ERC2: variants seen among roughly 807,000 people sequenced by gnomAD.
The protein encoded by ERC2 is ELKS/RAB6-interacting/CAST family member 2.
Under a neutral mutation model 114.8 loss-of-function variants are expected in ERC2, and 42 were observed. The observed-to-expected ratio is 0.37, with a 90% CI of 0.29 to 0.47. ERC2 has a LOEUF of 0.47. Ranked by LOEUF, ERC2 falls within the 20% of genes least tolerant of loss-of-function variation. ERC2 has a pLI of 0.99. For synonymous variants in ERC2, 454 were observed against 425.5 expected (o/e 1.07, Z -0.82); for missense variants, 939 against 1,150.7 (o/e 0.82, Z 2.66).
intron 14 of ERC2, among the ~76,000 whole-genome samples, chr3:55,765,710 C>T (rs75260466): frequency 0.038 from 5,781 of 152,144 alleles, 379 homozygotes; most frequent in African/African-American, 0.13. Flanking sequence ...GATATTAATA[C>T]GAAACACTGC....
At chr3:55,899,307 G>A (rs2064001849) in intron 13 of ERC2, among the ~76,000 whole-genome samples, 1 of 151,826 alleles carries the variant, frequency 6.6e-6, no homozygotes, top group Non-Finnish European at 1.5e-5. Flanking sequence ...ATATAATAAG[G>A]GATTTTCCCA....
At chr3:55,525,514 G>C (rs1026984731) in intron 17 of ERC2, among the ~76,000 whole-genome samples, 7 of 152,224 alleles carry the variant, frequency 4.6e-5, no homozygotes, top group Non-Finnish European at 7.3e-5. Flanking sequence ...TGAGATGTGA[G>C]GGGTGGTGAG....
chr3:56,346,841 C>T (rs1349182404), intron 2 of ERC2, among the ~76,000 whole-genome samples: 3 of 152,150 alleles, frequency 2.0e-5, no homozygotes, highest in African/African-American at 7.2e-5. Flanking sequence ...TTGCTGCATC[C>T]TCCAATGGAG....
chr3:55,599,299 T>A (rs56941959), intron 17 of ERC2, among the ~76,000 whole-genome samples: 1 of 152,060 alleles, frequency 6.6e-6, no homozygotes, highest in Non-Finnish European at 1.5e-5. Context: ...CTGCAACACA[T>A]CCTATGAAGC....
intron 14 of ERC2, among the ~76,000 whole-genome samples, chr3:55,848,527 T>G (rs939196700): frequency 6.6e-6 from 1 of 152,218 alleles, no homozygotes; most frequent in African/African-American, 2.4e-5. Context: ...CATTCCAACT[T>G]GCTGGCCCAT....
At chr3:56,211,356 T>C (rs901431363) in intron 3 of ERC2, among the ~76,000 whole-genome samples, 1 of 152,004 alleles carries the variant, frequency 6.6e-6, no homozygotes, top group Admixed American at 6.6e-5. Context: ...ACAATAGCTG[T>C]GAACAATTAA....
chr3:55,739,352 T>C (rs143730253), intron 14 of ERC2, among the ~76,000 whole-genome samples: 2,412 of 152,346 alleles, frequency 0.016, 30 homozygotes, highest in Non-Finnish European at 0.027. Context: ...TCCACAATGG[T>C]TGAACTAATT....
intron 14 of ERC2, among the ~76,000 whole-genome samples, chr3:55,781,497 G>T (rs893393413): frequency 1.0e-4 from 15 of 149,128 alleles, no homozygotes; most frequent in East Asian, 2.0e-4. Context: ...TTTAAAAATG[G>T]TTTTTTTTTT....
intron 13 of ERC2, among the ~76,000 whole-genome samples, chr3:55,919,116 C>T (rs913682228): frequency 2.6e-5 from 4 of 152,184 alleles, no homozygotes; most frequent in Admixed American, 1.3e-4. Context: ...CAGTGGTTCA[C>T]GCCTGTAATC....
chr3:56,189,560 TG>T (rs2083856537), intron 3 of ERC2, among the ~76,000 whole-genome samples: 1 of 152,146 alleles, frequency 6.6e-6, no homozygotes, highest in Non-Finnish European at 1.5e-5. Context: ...GAATCAGAAA[TG>T]GTGTGTCCAT....
chr3:56,051,450 A>G (rs778042310), intron 7 of ERC2, among the ~76,000 whole-genome samples: 10 of 152,182 alleles, frequency 6.6e-5, no homozygotes, highest in Non-Finnish European at 1.3e-4. Flanking sequence ...AGAGGGAGAC[A>G]ACCTTTGGTC....
chr3:55,561,147 C>T (rs1428458234), intron 17 of ERC2, among the ~76,000 whole-genome samples: 3 of 127,890 alleles, frequency 2.3e-5, no homozygotes, highest in African/African-American at 6.3e-5. Context: ...ACTACTGCTG[C>T]TTTTCTTTAA....
intron 3 of ERC2, among the ~76,000 whole-genome samples, chr3:56,281,436 C>CAAA (rs71099629): frequency 0.34 from 16,044 of 47,378 alleles, 4,725 homozygotes; most frequent in Middle Eastern, 0.4. Context: ...GACTCCGTCT[C>CAAA]AAAAAAAAAA....
At chr3:55,666,643 T>G in intron 17 of ERC2, among the ~76,000 whole-genome samples, 2 of 151,448 alleles carry the variant, frequency 1.3e-5, no homozygotes. Context: ...GGGCTGGGGG[T>G]GGGGTGGCAG....
At chr3:55,939,480 A>G (rs1300650852) in intron 13 of ERC2, among the ~76,000 whole-genome samples, 2 of 152,242 alleles carry the variant, frequency 1.3e-5, no homozygotes, top group Non-Finnish European at 2.9e-5. Context: ...GACTTCTCAG[A>G]GCCTTTAACA....
chr3:55,649,199 G>A (rs1009230721), intron 17 of ERC2, among the ~76,000 whole-genome samples: 3 of 151,760 alleles, frequency 2.0e-5, no homozygotes, highest in Non-Finnish European at 2.9e-5. Flanking sequence ...CAAAAGCTCT[G>A]AGAAGTCCTG....
intron 5 of ERC2, among the ~76,000 whole-genome samples, chr3:56,141,669 T>C (rs1560244680): frequency 6.6e-6 from 1 of 152,220 alleles, no homozygotes; most frequent in African/African-American, 2.4e-5. Flanking sequence ...ATTTTTAACA[T>C]TACCAAACAT....
At chr3:55,583,594 T>TTCCTTCCTTCCC (rs1559693923) in intron 17 of ERC2, among the ~76,000 whole-genome samples, 5 of 128,322 alleles carry the variant, frequency 3.9e-5, no homozygotes, top group Admixed American at 8.2e-5. Flanking sequence ...CCTTCCTTCC[T>TTCCTTCCTTCCC]AGAAAGGCAA....
chr3:55,825,670 T>C (rs2060296781), intron 14 of ERC2, among the ~76,000 whole-genome samples: 1 of 152,194 alleles, frequency 6.6e-6, no homozygotes, highest in Non-Finnish European at 1.5e-5. Context: ...ATCCTTTAAG[T>C]CCTGTGATAA....
Sources: allele counts gnomAD v4.1 joint callset (sites outside exome capture counted in the v4.1 genomes callset), GRCh38; gene constraint gnomAD v4.1.1; transcripts MANE v1.5; gene names NCBI Gene and HGNC (gene_info 2026-07-23, HGNC 2026-07-21).